Variants in RBFOX1 observed in about 807,000 individuals in gnomAD.
RBFOX1 encodes the protein RNA binding protein fox-1 homolog 1.
A neutral mutation model predicts 57.7 loss-of-function variants in RBFOX1; 8 were observed. The observed-to-expected ratio is 0.14, with a 90% CI of 0.08 to 0.25. The LOEUF is 0.25. RBFOX1 is among the 10% of genes least tolerant of loss of function. The pLI is 1.00. For missense variants in RBFOX1, 611 were observed against 548.5 expected, an observed-to-expected ratio of 1.11 and a Z score of -1.14; for synonymous variants, 326 against 222.4, an observed-to-expected ratio of 1.47 and a Z score of -4.15.
intron 3 of RBFOX1, among the ~76,000 whole-genome samples, chr16:6,669,571 A>C (rs763004380): frequency 1.7e-4 from 26 of 152,188 alleles, no homozygotes; most frequent in Non-Finnish European, 2.9e-4. Flanking sequence ...ATACATTATG[A>C]AAAAGTCGTT....
intron 3 of RBFOX1, among the ~76,000 whole-genome samples, chr16:6,968,611 T>A (rs1191599447): frequency 6.6e-6 from 1 of 152,008 alleles, no homozygotes; most frequent in Non-Finnish European, 1.5e-5. Flanking sequence ...TCCCATCCTG[T>A]CAGTTTCAGT....
intron 1 of RBFOX1, among the ~76,000 whole-genome samples, chr16:6,208,557 C>G (rs555927689): frequency 6.6e-6 from 1 of 152,280 alleles, no homozygotes; most frequent in South Asian, 2.1e-4. Context: ...ATTCTCTCCC[C>G]TTTATCTTAC....
At chr16:6,259,803 CA>C (rs1424602696) in intron 1 of RBFOX1, among the ~76,000 whole-genome samples, 6 of 151,436 alleles carry the variant, frequency 4.0e-5, no homozygotes, top group Admixed American at 1.3e-4. Context: ...ACTAAAAATA[CA>C]AAAAAAAGTA....
At chr16:6,867,777 C>A (rs772358826) in intron 3 of RBFOX1, among the ~76,000 whole-genome samples, 9 of 152,158 alleles carry the variant, frequency 5.9e-5, no homozygotes, top group Admixed American at 2.6e-4. Flanking sequence ...GGCATCATTA[C>A]CTTTAGGTTT....
intron 2 of RBFOX1, among the ~76,000 whole-genome samples, chr16:5,525,230 A>T (rs1385182051): frequency 6.6e-6 from 1 of 152,060 alleles, no homozygotes; most frequent in East Asian, 1.9e-4. Flanking sequence ...CAGGGTCAGG[A>T]ACTTGGTCTG....
At chr16:7,550,840 TC>T (rs2086163139) in intron 5 of RBFOX1, among the ~76,000 whole-genome samples, 1 of 151,986 alleles carries the variant, frequency 6.6e-6, no homozygotes, top group South Asian at 2.1e-4. Context: ...ACTCCCATAA[TC>T]CGAACGCTTT....
intron 4 of RBFOX1, among the ~76,000 whole-genome samples, chr16:5,923,637 G>A (rs541934107): frequency 6.7e-6 from 1 of 149,178 alleles, no homozygotes; most frequent in South Asian, 2.1e-4. Context: ...CACCTCCTGA[G>A]TTCATACATT....
intron 3 of RBFOX1, among the ~76,000 whole-genome samples, chr16:6,756,818 A>G (rs374865734): frequency 2.0e-5 from 3 of 151,916 alleles, no homozygotes; most frequent in Non-Finnish European, 2.9e-5. Context: ...CTAAAAATAC[A>G]ACAAAAATTA....
chr16:5,825,645 C>T (rs993165158), intron 3 of RBFOX1, among the ~76,000 whole-genome samples: 32 of 152,140 alleles, frequency 2.1e-4, no homozygotes, highest in Admixed American at 2.0e-4. Flanking sequence ...CAGCGTTGTA[C>T]AGCCATCACC....
intron 1 of RBFOX1, among the ~76,000 whole-genome samples, chr16:5,383,173 G>C (rs1234410451): frequency 6.6e-6 from 1 of 152,188 alleles, no homozygotes; most frequent in Non-Finnish European, 1.5e-5. Flanking sequence ...TGGAGACACA[G>C]CCAACAAGTC....
intron 3 of RBFOX1, among the ~76,000 whole-genome samples, chr16:5,633,357 A>G (rs1373928401): frequency 1.3e-5 from 2 of 152,146 alleles, no homozygotes; most frequent in Non-Finnish European, 2.9e-5. Context: ...TTGTAAAAAA[A>G]CTTTCAATAG....
intron 4 of RBFOX1, among the ~76,000 whole-genome samples, chr16:5,895,799 T>C (rs2058150346): frequency 1.3e-5 from 2 of 152,238 alleles, no homozygotes; most frequent in African/African-American, 2.4e-5. Context: ...AGACATTTAA[T>C]ACCTTATACT....
intron 3 of RBFOX1, among the ~76,000 whole-genome samples, chr16:6,885,834 G>A (rs950440489): frequency 6.6e-6 from 1 of 152,030 alleles, no homozygotes; most frequent in African/African-American, 2.4e-5. Context: ...CCCGGCCTTA[G>A]TCATGCAATT....
intron 1 of RBFOX1, among the ~76,000 whole-genome samples, chr16:5,413,132 T>G (rs2151468254): frequency 6.6e-6 from 1 of 152,266 alleles, no homozygotes; most frequent in South Asian, 2.1e-4. Context: ...TTCTGGTCCC[T>G]GAGCCTCAGG....
At chr16:6,390,306 C>T (rs1340076125) in intron 2 of RBFOX1, among the ~76,000 whole-genome samples, 1 of 152,130 alleles carries the variant, frequency 6.6e-6, no homozygotes, top group African/African-American at 2.4e-5. Context: ...ACAAAATCTG[C>T]CCCTCCCCAC....
At chr16:6,161,543 C>T (rs1208422871) in intron 1 of RBFOX1, among the ~76,000 whole-genome samples, 1 of 152,154 alleles carries the variant, frequency 6.6e-6, no homozygotes, top group African/African-American at 2.4e-5. Flanking sequence ...TTAACATCCG[C>T]ATCCAAACAT....
At chr16:6,680,985 T>G (rs2058564759) in intron 3 of RBFOX1, among the ~76,000 whole-genome samples, 1 of 152,224 alleles carries the variant, frequency 6.6e-6, no homozygotes, top group Admixed American at 6.5e-5. Context: ...CGTAGAAAAC[T>G]TCAAATTTCT....
At chr16:7,005,626 G>C (rs1412210392) in intron 3 of RBFOX1, among the ~76,000 whole-genome samples, 1 of 152,184 alleles carries the variant, frequency 6.6e-6, no homozygotes, top group African/African-American at 2.4e-5. Flanking sequence ...GACACTCACA[G>C]ATAGACTTTG....
chr16:6,932,398 T>G (rs141279265), intron 3 of RBFOX1, among the ~76,000 whole-genome samples: 1 of 152,094 alleles, frequency 6.6e-6, no homozygotes, highest in African/African-American at 2.4e-5. Context: ...TGAGCCACCA[T>G]GCCCAGCCCA....
Sources: gnomAD v4.1 joint callset for allele counts (sites outside exome capture counted in the v4.1 genomes callset) on GRCh38, gnomAD v4.1.1 for gene constraint, MANE v1.5 for transcripts, NCBI Gene and HGNC (gene_info 2026-07-23, HGNC 2026-07-21) for gene names.